The following TTC39B variants were observed in gnomAD, a reference collection of about 807,000 sequenced individuals.
TTC39B encodes the protein tetratricopeptide repeat protein 39B.
A neutral mutation model predicts 96.6 loss-of-function variants in TTC39B; 92 were observed. That is an observed-to-expected ratio of 0.95 (90% confidence interval 0.80 to 1.13). The LOEUF is 1.13. Among genes scored for constraint, TTC39B ranks in the 50% most tolerant of loss-of-function variants. The pLI is 0.00. For missense variants in TTC39B, 955 were observed against 809.3 expected, an observed-to-expected ratio of 1.18 and a Z score of -2.18; for synonymous variants, 367 against 299.4, an observed-to-expected ratio of 1.23 and a Z score of -2.33.
At chr9:15,269,546 A>C (rs1255284239) in intron 1 of TTC39B, among the ~76,000 whole-genome samples, 1 of 152,182 alleles carries the variant, frequency 6.6e-6, no homozygotes, top group Admixed American at 6.5e-5. Context: ...AAAAAACAAA[A>C]GTGTAAATAC....
rs570495050 is a variant in TTC39B at position 15,302,058 on chromosome 9, C to T, written c.240+5026G>A. On this transcript the variant is annotated intron_variant, in intron 1 of 19. Transcript: ENST00000512701. ...AAGTGTAAGGTTGGGCACGGTGGCT[C>T]ACGCCTGTAATCCCAGCACATTGGG... 1.6e-4 allele frequency among the ~76,000 whole-genome samples: 24 copies of T among 152,296 alleles called. No homozygotes were observed. The South Asian group carries it at 4.1e-3, about 26-fold the overall frequency.
At chr9:15,236,943 C>T (rs1322734028) in intron 2 of TTC39B, among the ~76,000 whole-genome samples, 1 of 151,652 alleles carries the variant, frequency 6.6e-6, no homozygotes, top group East Asian at 1.9e-4. Context: ...CAAACCAACC[C>T]AAAGCTAGCA....
At chr9:15,201,302 A>G (rs917474122) in intron 7 of TTC39B, among the ~76,000 whole-genome samples, 1 of 152,132 alleles carries the variant, frequency 6.6e-6, no homozygotes, top group Non-Finnish European at 1.5e-5. Flanking sequence ...GGATTCATCA[A>G]ACTTAAACTT....
exon 20 of TTC39B, chr9:15,163,883 ATTG>A (rs1290419872): frequency 2.0e-5 from 3 of 152,230 alleles, no homozygotes; most frequent in Admixed American, 1.3e-4. Context: ...GGCTACAGGA[ATTG>A]TTGTCATCAT....
chr9:15,171,120 G>A (rs770675645), exon 20 of TTC39B: 3 of 152,176 alleles, frequency 2.0e-5, no homozygotes, highest in Non-Finnish European at 2.9e-5. Context: ...GCAAGGTCCA[G>A]ATTATCTACA....
In TTC39B at chr9:15,243,767, G is replaced by A. The variant is rs140178940; in HGVS notation, c.276-17755C>T. 3.5e-3 allele frequency among the ~76,000 whole-genome samples: 535 copies of A among 152,234 alleles called. 4 individuals are homozygous for A. The highest frequency in any genetic ancestry group is 0.012 in the African/African-American group (492 of 41,532). On this transcript the variant is annotated intron_variant, in intron 2 of 19. Coordinates refer to ENST00000512701, the Ensembl canonical transcript of TTC39B. ...TCTACAAAAAAATAAAAAATTGGAC[G>A]TATGTAGTGGCATACACCTGCAGTC... is the stretch of plus-strand genomic sequence containing the variant.
intron 17 of TTC39B, among the ~76,000 whole-genome samples, chr9:15,181,873 A>G (rs956809264): frequency 3.9e-5 from 6 of 152,106 alleles, no homozygotes; most frequent in Non-Finnish European, 8.8e-5. Flanking sequence ...TAACCATTCA[A>G]TGGTTTTTAG....
At chr9:15,210,994 T>C (rs1481650832) in intron 5 of TTC39B, among the ~76,000 whole-genome samples, 1 of 152,162 alleles carries the variant, frequency 6.6e-6, no homozygotes, top group Non-Finnish European at 1.5e-5. Context: ...GTACCTAATG[T>C]CATCTACATT....
intron 1 of TTC39B, among the ~76,000 whole-genome samples, chr9:15,299,386 C>T (rs1824495082): frequency 6.6e-6 from 1 of 152,152 alleles, no homozygotes; most frequent in South Asian, 2.1e-4. Context: ...TGCATGATGG[C>T]ATTAGGAACT....
intron 1 of TTC39B, among the ~76,000 whole-genome samples, chr9:15,270,777 T>A (rs543439809): frequency 2.0e-5 from 3 of 151,204 alleles, no homozygotes; most frequent in South Asian, 4.2e-4. Flanking sequence ...ATTTCAAGAA[T>A]ATCGAAACTC....
chr9:15,182,407 C>T (rs1416282170), exon 17 of TTC39B: 4 of 1,607,318 alleles, frequency 2.5e-6, no homozygotes, highest in South Asian at 2.2e-5. Context: ...TCCAGACATA[C>T]ATCATTTCCT....
rs564211223 is a variant in TTC39B at position 15,197,720 on chromosome 9, T to C, written c.824+2141A>G. Reference sequence around the variant, plus strand: ...TAGTCAAACTACTGAGACCCAAAGATACAAACTAGTCAATCTTCAAAAAAG... The same window carrying C: ...TAGTCAAACTACTGAGACCCAAAGACACAAACTAGTCAATCTTCAAAAAAG... On this transcript the variant is annotated intron_variant, in intron 8 of 19. Coordinates refer to ENST00000512701, the Ensembl canonical transcript of TTC39B. Among the ~76,000 whole-genome samples the C allele has an allele frequency of 7.0e-4, 107 of 152,020 alleles. 1 individual carries two copies. The South Asian group carries it at 0.022, about 31-fold the overall frequency.
intron 16 of TTC39B, 73 bp from the exon 17 acceptor site, chr9:15,182,488 G>T: frequency 9.7e-7 from 1 of 1,030,726 alleles, no homozygotes; most frequent in Non-Finnish European, 1.4e-6. Context: ...CCCAAACAAT[G>T]TTCATGTGTT....
chr9:15,208,928 T>C (rs1271359242), intron 6 of TTC39B, among the ~76,000 whole-genome samples: 2 of 152,182 alleles, frequency 1.3e-5, no homozygotes, highest in East Asian at 1.9e-4. Context: ...CACTCAAAAA[T>C]ATGTCTGACA....
chr9:15,251,731 A>ATATATATATATATG (rs1563764609), intron 2 of TTC39B, among the ~76,000 whole-genome samples: 3 of 126,940 alleles, frequency 2.4e-5, no homozygotes, highest in African/African-American at 9.6e-5. Flanking sequence ...ATATATATAT[A>ATATATATATATATG]TATATGTAGT....
intron 2 of TTC39B, among the ~76,000 whole-genome samples, chr9:15,251,700 C>A (rs1215115): frequency 4.1e-5 from 4 of 98,350 alleles, no homozygotes; most frequent in Admixed American, 3.6e-4. Context: ...CATACATATA[C>A]ATATATATAT....
At chr9:15,186,231 T>C (rs1448298223) in intron 15 of TTC39B, among the ~76,000 whole-genome samples, 2 of 152,192 alleles carry the variant, frequency 1.3e-5, no homozygotes, top group Non-Finnish European at 2.9e-5. Flanking sequence ...GGGCAAAATA[T>C]GGAGCTATGG....
chr9:15,268,379 C>T (rs1273246469), intron 1 of TTC39B, among the ~76,000 whole-genome samples: 3 of 152,090 alleles, frequency 2.0e-5, no homozygotes, highest in Non-Finnish European at 4.4e-5. Context: ...CCTCTCAGCT[C>T]GTCTCCCTGC....
chr9:15,261,249 T>C lies in TTC39B; in HGVS notation c.275+6665A>G, dbSNP rs542199712. ...ATCCCAACACTATGGGAGGCAAAGGTGGGAGGATCACTTGAGTCCAGGAGT... is the reference window on the plus strand; with the variant it reads ...ATCCCAACACTATGGGAGGCAAAGGCGGGAGGATCACTTGAGTCCAGGAGT... On this transcript the variant is annotated intron_variant, in intron 2 of 19. Coordinates refer to ENST00000512701, the Ensembl canonical transcript of TTC39B. Among the ~76,000 whole-genome samples the C allele has an allele frequency of 5.9e-5, 9 of 151,996 alleles. No individual in the cohort carries two copies. In the East Asian group the frequency reaches 1.4e-3, roughly 23 times the overall value.
Sources: allele counts gnomAD v4.1 joint callset (sites outside exome capture counted in the v4.1 genomes callset), GRCh38; gene constraint gnomAD v4.1.1; transcripts MANE v1.5; gene names NCBI Gene and HGNC (gene_info 2026-07-23, HGNC 2026-07-21).